Variants in USB1 observed in about 807,000 individuals in gnomAD.
USB1 encodes U6 snRNA biogenesis phosphodiesterase 1.
USB1 carries 21 observed loss-of-function variants against 29.9 expected under a neutral mutation model. The observed-to-expected ratio is 0.70, with a 90% CI of 0.50 to 1.01. The LOEUF is 1.01. Among genes scored for constraint, USB1 ranks in the 50% least tolerant of loss-of-function variants. USB1 has a pLI of 0.00. For missense variants in USB1, 330 were observed against 347.1 expected, an observed-to-expected ratio of 0.95 and a Z score of 0.39; for synonymous variants, 143 against 134.9, an observed-to-expected ratio of 1.06 and a Z score of -0.42.
chr16:58,009,737 AT>A (rs1429239621), intron 2 of USB1, among the ~76,000 whole-genome samples, 191 bp from the exon 3 acceptor site: 11 of 151,052 alleles, frequency 7.3e-5, no homozygotes, highest in South Asian at 4.2e-4. Context: ...AAAAAAAAAA[AT>A]AATAATAAAT....
chr16:58,017,124 G>A, intron 4 of USB1: 1 of 595,072 alleles, frequency 1.7e-6, no homozygotes, highest in African/African-American at 1.8e-5. Flanking sequence ...GGAGAGCTGT[G>A]TGGGTGAGAA....
Position 58,011,406 on chromosome 16 carries a change from A to T in USB1, c.449+1294A>T, listed in dbSNP as rs907117016. 2.6e-6 allele frequency: 3 copies of T among 1,165,088 alleles called. No individual in the cohort carries two copies. The African/African-American group carries it at 4.7e-5, about 18-fold the overall frequency. 72.2% of individuals were successfully genotyped at this position (1,165,088 alleles called of 1,614,324 possible). Reference sequence around the variant, plus strand: ...AGCCTGGGGCTTTTTTTTTCCCCTTACCTATTAGATTATTTCATAACTCTT... The same window carrying T: ...AGCCTGGGGCTTTTTTTTTCCCCTTTCCTATTAGATTATTTCATAACTCTT... On this transcript the variant is annotated intron_variant, in intron 3 of 6. Coordinates refer to ENST00000219281, the MANE Select transcript of USB1 (RefSeq NM_024598.4).
chr16:58,012,669 A>T, intron 3 of USB1: 1 of 1,213,002 alleles, frequency 8.2e-7, no homozygotes, highest in South Asian at 2.4e-5. Context: ...TAAAGAGTTA[A>T]CAGGCCCTTC....
At chr16:58,014,626 T>A (rs1398416137) in intron 4 of USB1, among the ~76,000 whole-genome samples, 1 of 151,630 alleles carries the variant, frequency 6.6e-6, no homozygotes, top group Non-Finnish European at 1.5e-5. Flanking sequence ...CTATGAAAAA[T>A]ACAAAAATTA....
intron 2 of USB1, among the ~76,000 whole-genome samples, chr16:58,006,363 A>T (rs1395966242): frequency 6.9e-6 from 1 of 144,772 alleles, no homozygotes; most frequent in African/African-American, 2.6e-5. Context: ...AAAAAAAAAA[A>T]AAAACAAAAA....
intron 2 of USB1, among the ~76,000 whole-genome samples, chr16:58,008,961 A>G (rs1294408914): frequency 4.6e-5 from 7 of 152,148 alleles, no homozygotes; most frequent in Non-Finnish European, 1.5e-5. Context: ...TTCCAGCTAC[A>G]TTTCTGTTAC....
intron 2 of USB1, among the ~76,000 whole-genome samples, chr16:58,007,506 T>G (rs1190954304): frequency 1.3e-5 from 2 of 152,006 alleles, no homozygotes; most frequent in Non-Finnish European, 2.9e-5. Flanking sequence ...CTCAGCCTCA[T>G]GAGTAGCTGG....
At position 58,019,216 on chromosome 16, in the gene USB1, C is replaced by T. The variant is rs192554617; in HGVS notation, c.693+161C>T. Among the ~76,000 whole-genome samples, 471 of 152,276 alleles carry T rather than the reference C, an allele frequency of 3.1e-3. 5 individuals carry two copies. Among genetic ancestry groups the T allele is most frequent in the South Asian group, 0.029 (138 of 4,822 alleles). On this transcript the variant is annotated intron_variant, in intron 6 of 6. Transcript: ENST00000219281. Reference sequence around the variant, plus strand: ...TCCCTTGTGACTCAAGGTGTGGCCCCTGGACCAGCAGCTTCAGTGTCACCT... The same window carrying T: ...TCCCTTGTGACTCAAGGTGTGGCCCTTGGACCAGCAGCTTCAGTGTCACCT...
At position 58,017,425 on chromosome 16, in the gene USB1, A is replaced by G; in HGVS notation, c.595A>G (p.Thr199Ala). ...CAGAGTCATGGAGGAATTCAACCTCACCACTTTCTACCAGGTAATGAATGG... is the reference window on the plus strand; with the variant it reads ...CAGAGTCATGGAGGAATTCAACCTCGCCACTTTCTACCAGGTAATGAATGG... ...VDRVMEEFNL[T>A]TFYQDPSFHL... Residue 199 changes from threonine to alanine, a missense_variant, in exon 5 of 7, where the codon ACC becomes GCC. Transcript: ENST00000219281. 6.2e-7 allele frequency: 1 copy of G among 1,613,984 alleles called. No homozygotes were observed. Among genetic ancestry groups the G allele is most frequent in the Non-Finnish European group, 8.5e-7 (1 of 1,179,798 alleles).
Position 58,012,114 on chromosome 16 carries a change from T to C in USB1, c.449+2002T>C, listed in dbSNP as rs1267261079. The stretch of plus-strand genomic sequence containing the variant: ...GGGGGCCATAGGCCCAGGAATTCCA[T>C]AGGATGTCACTGCCCAACTAGGAAA... On this transcript the variant is annotated intron_variant, in intron 3 of 6. Coordinates refer to ENST00000219281, the MANE Select transcript of USB1 (RefSeq NM_024598.4). 23 of 1,397,994 alleles carry C rather than the reference T, an allele frequency of 1.6e-5. No homozygotes were observed. The East Asian group carries it at 5.7e-4, about 35-fold the overall frequency. The allele number at this position is 1,397,994 out of a possible 1,614,324, so 86.6% of individuals were successfully genotyped here. A position where few individuals can be genotyped will look rare whatever the true frequency, so the allele number is the denominator to read the frequency against.
At chr16:58,011,142 T>C in intron 3 of USB1, 1 of 1,349,222 alleles carries the variant, frequency 7.4e-7, no homozygotes, top group Non-Finnish European at 1.0e-6. Context: ...GAACAAAAGA[T>C]GCTCCTAGCA....
Position 58,009,930 on chromosome 16 carries a change from T to G in USB1, c.267T>G (p.Tyr89Ter). 1 of 1,613,830 alleles carries G rather than the reference T, an allele frequency of 6.2e-7. No homozygotes were observed. Among genetic ancestry groups the G allele is most frequent in the African/African-American group, 1.3e-5 (1 of 74,956 alleles). The change falls in exon 3 of 7, where the codon TAT becomes TAG. Residue 89 changes from tyrosine to a stop codon, truncating the protein, a stop_gained and splice_region_variant. Coordinates refer to ENST00000219281, the MANE Select transcript of USB1 (RefSeq NM_024598.4). LOFTEE classifies it high-confidence loss of function. ...GCCCTCTTTACTCCTCCCCTCCAGATGAAGCCAAGGAGGAGTTCCTGGATC... is the reference window on the plus strand; with the variant it reads ...GCCCTCTTTACTCCTCCCCTCCAGAGGAAGCCAAGGAGGAGTTCCTGGATC... ...GNWATHVYVP[Y>*]EAKEEFLDLL...
chr16:58,013,746 C>A lies in USB1; in HGVS notation c.450-527C>A. On this transcript the variant is annotated intron_variant, in intron 3 of 6. Transcript: ENST00000219281. The surrounding 1 kb of genome is among the most constrained non-coding windows in gnomAD (Gnocchi z 4.3). Reference sequence around the variant, plus strand: ...GCTCACCAAATTCAGCTTCACCATGCCTCTGTTTCTTTGTCTGTAAAATGG... The same window carrying A: ...GCTCACCAAATTCAGCTTCACCATGACTCTGTTTCTTTGTCTGTAAAATGG... 1 of 443,174 alleles carries A rather than the reference C, an allele frequency of 2.3e-6. No homozygotes were observed. Among genetic ancestry groups the A allele is most frequent in the Non-Finnish European group, 3.0e-6 (1 of 332,166 alleles). 27.5% of individuals were successfully genotyped at this position (443,174 alleles called of 1,614,324 possible). A position where few individuals can be genotyped will look rare whatever the true frequency, so the allele number is the denominator to read the frequency against.
chr16:58,000,110 T>C (rs1191200787), upstream of USB1, among the ~76,000 whole-genome samples: 6 of 151,958 alleles, frequency 3.9e-5, no homozygotes, highest in Non-Finnish European at 7.4e-5. The surrounding 1 kb of genome is among the most constrained non-coding windows in gnomAD (Gnocchi z 4.5). Context: ...CCGCCGGCCC[T>C]GCCTGCAGGC....
intron 2 of USB1, among the ~76,000 whole-genome samples, chr16:58,003,537 T>G (rs1963283244): frequency 6.6e-6 from 1 of 152,238 alleles, no homozygotes; most frequent in African/African-American, 2.4e-5. Context: ...GTATTGACAG[T>G]GTTCTGGAGT....
rs143885155 is a variant in USB1 at position 58,011,687 on chromosome 16, G to A, written c.449+1575G>A. On this transcript the variant is annotated intron_variant, in intron 3 of 6. Coordinates refer to ENST00000219281, the MANE Select transcript of USB1 (RefSeq NM_024598.4). ...GACCCCTCCATCCAGAGATCAGTTG[G>A]TCCTGTGGTTCTTTACCCCTGGTGG... 2.4e-3 allele frequency: 2,349 copies of A among 987,710 alleles called. 6 individuals are homozygous for A. Among genetic ancestry groups the A allele is most frequent in the Middle Eastern group, 0.011 (21 of 1,916 alleles). 61.2% of individuals were successfully genotyped at this position (987,710 alleles called of 1,614,324 possible).
upstream of USB1, among the ~76,000 whole-genome samples, chr16:58,000,685 G>A (rs1425364391): frequency 6.7e-6 from 1 of 149,882 alleles, no homozygotes; most frequent in Non-Finnish European, 1.5e-5. This position sits in a 1 kb window ranked among gnomAD's most constrained non-coding sequence, Gnocchi z 4.5. Context: ...ACGGGCGGGC[G>A]GCGCGGGGGC....
At chr16:58,014,108 G>T in intron 3 of USB1, 165 bp from the exon 4 acceptor site, 1 of 638,506 alleles carries the variant, frequency 1.6e-6, no homozygotes. Context: ...GTCTTGTCCA[G>T]CTCTAATGTT....
rs995030828 is a variant in USB1, at chr16:58,011,723, C to T, written c.449+1611C>T. ...CTTTACCCCTGGTGGTCATTTCACT[C>T]ACCCTCATATGCAGTCGTTCCTGTG... On this transcript the variant is annotated intron_variant, in intron 3 of 6. Transcript: ENST00000219281. 84 of 987,736 alleles carry T rather than the reference C, an allele frequency of 8.5e-5. No individual in the cohort carries two copies. In the East Asian group the frequency reaches 1.4e-3, roughly 16 times the overall value. 61.2% of individuals were successfully genotyped at this position (987,736 alleles called of 1,614,324 possible). A position where few individuals can be genotyped will look rare whatever the true frequency, so the allele number is the denominator to read the frequency against.
Sources: allele counts gnomAD v4.1 joint callset (sites outside exome capture counted in the v4.1 genomes callset), GRCh38; gene constraint gnomAD v4.1.1; non-coding constraint Gnocchi (gnomAD v3.1); transcripts MANE v1.5; gene names NCBI Gene and HGNC (gene_info 2026-07-23, HGNC 2026-07-21).